The following CMTM7 variants were observed in gnomAD, a reference collection of about 807,000 sequenced individuals.
The protein encoded by CMTM7 is CKLF like MARVEL transmembrane domain containing 7.
Under a neutral mutation model 19.3 loss-of-function variants are expected in CMTM7, and 7 were observed. That is an observed-to-expected ratio of 0.36 (90% CI 0.21 to 0.68). The LOEUF is 0.68. Ranked by LOEUF, CMTM7 falls within the 30% of genes least tolerant of loss-of-function variation. The pLI, the probability that CMTM7 is intolerant of heterozygous loss-of-function variation, is 0.60. For synonymous variants in CMTM7, 87 were observed against 99.3 expected, an observed-to-expected ratio of 0.88 and a Z score of 0.74; for missense variants, 193 against 232.6, an observed-to-expected ratio of 0.83 and a Z score of 1.11.
intron 2 of CMTM7, among the ~76,000 whole-genome samples, chr3:32,447,987 T>C (rs1489943534): frequency 6.6e-6 from 1 of 152,216 alleles, no homozygotes; most frequent in Non-Finnish European, 1.5e-5. Flanking sequence ...TTCAAAGTTA[T>C]GGCATTTTTT....
chr3:32,416,373 T>TTTTTTTTTTTTTC (rs1696264145), intron 1 of CMTM7, among the ~76,000 whole-genome samples: 2 of 89,178 alleles, frequency 2.2e-5, no homozygotes, highest in South Asian at 9.8e-4. Flanking sequence ...TTTTTTTTTT[T>TTTTTTTTTTTTTC]TTTTTTTTTT....
At chr3:32,403,797 A>G (rs184603383) in intron 1 of CMTM7, among the ~76,000 whole-genome samples, 15 of 152,296 alleles carry the variant, frequency 9.8e-5, no homozygotes, top group South Asian at 4.1e-4. Flanking sequence ...GTCGTACTAT[A>G]TAATTTGTTC....
chr3:32,421,534 C>G (rs533888476), intron 1 of CMTM7, among the ~76,000 whole-genome samples: 92 of 152,350 alleles, frequency 6.0e-4, no homozygotes, highest in Non-Finnish European at 1.0e-3. Context: ...CATGTCTGCT[C>G]TTCATACGGG....
intron 1 of CMTM7, among the ~76,000 whole-genome samples, chr3:32,403,511 C>T (rs368574557): frequency 7.6e-4 from 116 of 152,246 alleles, no homozygotes; most frequent in Non-Finnish European, 1.2e-3. Flanking sequence ...TGGTGCCGGC[C>T]GGGCTAGGTG....
intron 1 of CMTM7, among the ~76,000 whole-genome samples, chr3:32,401,176 T>A (rs1254956964): frequency 6.6e-6 from 1 of 152,222 alleles, no homozygotes; most frequent in Admixed American, 6.5e-5. Flanking sequence ...CTCTTGTATT[T>A]AAGTGATGGC....
At chr3:32,405,275 T>A (rs1335487972) in intron 1 of CMTM7, among the ~76,000 whole-genome samples, 1 of 152,222 alleles carries the variant, frequency 6.6e-6, no homozygotes, top group Non-Finnish European at 1.5e-5. Context: ...TTGTGGTAAT[T>A]GGTTGTGCAG....
chr3:32,421,457 A>T (rs1575116145), intron 1 of CMTM7, among the ~76,000 whole-genome samples: 1 of 151,898 alleles, frequency 6.6e-6, no homozygotes, highest in Non-Finnish European at 1.5e-5. Flanking sequence ...CTGTGTTCCC[A>T]CTGCCAGAAG....
intron 2 of CMTM7, among the ~76,000 whole-genome samples, chr3:32,447,666 A>T (rs947078331): frequency 2.6e-5 from 4 of 151,962 alleles, no homozygotes; most frequent in African/African-American, 4.8e-5. Context: ...TCAGCTTTTC[A>T]TTGTTATAAA....
At chr3:32,402,153 C>T (rs1696019378) in intron 1 of CMTM7, among the ~76,000 whole-genome samples, 1 of 152,070 alleles carries the variant, frequency 6.6e-6, no homozygotes, top group South Asian at 2.1e-4. Flanking sequence ...AGTCTGTGGC[C>T]CAGACTGGAG....
At chr3:32,410,123 C>G (rs976574852) in intron 1 of CMTM7, among the ~76,000 whole-genome samples, 2 of 152,216 alleles carry the variant, frequency 1.3e-5, no homozygotes, top group African/African-American at 2.4e-5. Flanking sequence ...TCGTCAGCCC[C>G]TCAGCTAAAG....
At chr3:32,423,499 C>T (rs551037590) in intron 1 of CMTM7, among the ~76,000 whole-genome samples, 48 of 152,282 alleles carry the variant, frequency 3.2e-4, no homozygotes, top group African/African-American at 7.9e-4. Flanking sequence ...TGCTCCTTCT[C>T]GGTTTCTGTG....
At chr3:32,407,193 C>T (rs550232226) in intron 1 of CMTM7, among the ~76,000 whole-genome samples, 7 of 152,184 alleles carry the variant, frequency 4.6e-5, no homozygotes, top group Middle Eastern at 3.4e-3. Flanking sequence ...CAAATCTGAC[C>T]GCACCTTCCT....
intron 1 of CMTM7, among the ~76,000 whole-genome samples, chr3:32,396,950 G>A (rs745769012): frequency 1.3e-5 from 2 of 152,216 alleles, no homozygotes; most frequent in Non-Finnish European, 2.9e-5. Flanking sequence ...ATTTATAACT[G>A]CCACATTCAT....
At chr3:32,410,737 C>T (rs890949637) in intron 1 of CMTM7, among the ~76,000 whole-genome samples, 1 of 152,236 alleles carries the variant, frequency 6.6e-6, no homozygotes, top group African/African-American at 2.4e-5. Flanking sequence ...TAGCTGTTAG[C>T]CTGTTGTGAT....
In CMTM7 at chr3:32,455,055, G is replaced by C. The variant is rs3882310; in HGVS notation, c.*801G>C. 6.5e-6 allele frequency: 1 copy of C among 152,776 alleles called. No homozygotes were observed. The highest frequency in any genetic ancestry group is 2.0e-4 in the South Asian group (1 of 4,880). The allele number at this position is 152,776 out of a possible 1,614,324, so 9.5% of individuals were successfully genotyped here. On this transcript the variant is annotated 3_prime_UTR_variant, in exon 5 of 5. Transcript: ENST00000334983. The stretch of plus-strand genomic sequence containing the variant: ...TGTGCAGGTTCTCAATTATATTCAC[G>C]TCCTCCTTCTCCTGCAATACCAATC...
intron 1 of CMTM7, among the ~76,000 whole-genome samples, chr3:32,412,099 C>T (rs904756804): frequency 1.3e-5 from 2 of 152,226 alleles, no homozygotes; most frequent in Non-Finnish European, 2.9e-5. Flanking sequence ...TTCCATTGGG[C>T]TTTGCCAACA....
chr3:32,437,688 C>A (rs981603245), intron 1 of CMTM7, among the ~76,000 whole-genome samples: 1 of 151,964 alleles, frequency 6.6e-6, no homozygotes, highest in Non-Finnish European at 1.5e-5. Flanking sequence ...GTCAGGAGAT[C>A]GAGACTCTCC....
intron 2 of CMTM7, among the ~76,000 whole-genome samples, chr3:32,446,819 C>T (rs189642409): frequency 3.9e-5 from 6 of 152,306 alleles, no homozygotes; most frequent in African/African-American, 4.8e-5. Context: ...GATGCCTGCT[C>T]ACCTTCACCT....
chr3:32,405,290 A>G (rs1313552986), intron 1 of CMTM7, among the ~76,000 whole-genome samples: 2 of 152,252 alleles, frequency 1.3e-5, no homozygotes, highest in Non-Finnish European at 2.9e-5. Flanking sequence ...GTGCAGCAGT[A>G]GATAACTAAC....
Sources: gnomAD v4.1 joint callset for allele counts (sites outside exome capture counted in the v4.1 genomes callset) on GRCh38, gnomAD v4.1.1 for gene constraint, MANE v1.5 for transcripts, NCBI Gene and HGNC (gene_info 2026-07-23, HGNC 2026-07-21) for gene names.